The following ST7L variants were observed in gnomAD, a reference collection of about 807,000 sequenced individuals.
ST7L encodes suppression of tumorigenicity 7 like, also known as suppressor of tumorigenicity 7 protein-like.
In ST7L, 57 loss-of-function variants were observed where a neutral mutation model predicts 72.5. The observed-to-expected ratio is 0.79, with a 90% confidence interval of 0.64 to 0.98. The LOEUF is 0.98. Among genes scored for constraint, ST7L ranks in the 50% least tolerant of loss-of-function variants. The probability of loss-of-function intolerance (pLI) is 0.00; values close to 1 mark genes in which losing one functional copy is unlikely to be tolerated. For synonymous variants in ST7L, 221 were observed against 240.9 expected (o/e 0.92, Z 0.77); for missense variants, 576 against 672.2 (o/e 0.86, Z 1.58).
At position 112,556,162 on chromosome 1, in the gene ST7L, A is replaced by G. The variant is rs1659087556; in HGVS notation, c.1246-144T>C. On this transcript the variant is annotated intron_variant, in intron 11 of 14. Coordinates refer to ENST00000358039, the MANE Select transcript of ST7L (RefSeq NM_017744.5). ...TTAAAAAACTAACTGAAATGACATG[A>G]AGATACTGATAACATGTATAAAATG... The G allele has an allele frequency of 6.9e-6, 4 of 578,448 alleles. No homozygotes were observed. In the East Asian group the frequency reaches 1.3e-4, roughly 18 times the overall value. 35.8% of individuals were successfully genotyped at this position (578,448 alleles called of 1,614,324 possible). A position where few individuals can be genotyped will look rare whatever the true frequency, so the allele number is the denominator to read the frequency against.
Position 112,555,934 on chromosome 1 carries a change from A to C in ST7L, c.1330T>G (p.Phe444Val). ...GDSEAIAYAF[F>V]HLQHWKRIEG... The stretch of plus-strand genomic sequence containing the variant: ...ATTCGTTTCCAGTGCTGAAGATGAA[A>C]GAAAGCATAGGCAATTGCTTCACTA... Residue 444 changes from phenylalanine to valine, a missense_variant, in exon 12 of 15, where the codon TTT (phenylalanine) becomes GTT (valine). This residue lies in a region of ST7L where 511 missense variants were observed against 600.7 expected (regional missense o/e 0.85). Coordinates refer to ENST00000358039, the MANE Select transcript of ST7L (RefSeq NM_017744.5). The C allele has an allele frequency of 6.2e-7, 1 of 1,612,754 alleles. No individual in the cohort carries two copies. Among genetic ancestry groups the C allele is most frequent in the Non-Finnish European group, 8.5e-7 (1 of 1,179,190 alleles).
intron 3 of ST7L, among the ~76,000 whole-genome samples, chr1:112,606,625 A>T (rs1032480565): frequency 3.9e-5 from 6 of 152,204 alleles, no homozygotes; most frequent in Non-Finnish European, 7.3e-5. Context: ...ACTTCTTCGT[A>T]ACAAAATCTG....
chr1:112,610,686 A>G, intron 3 of ST7L, 155 bp downstream of exon 3: 1 of 904,644 alleles, frequency 1.1e-6, no homozygotes. Flanking sequence ...CACCTCCCAA[A>G]GACCCTACCT....
At chr1:112,595,107 T>A (rs1355121148) in intron 5 of ST7L, among the ~76,000 whole-genome samples, 1 of 152,042 alleles carries the variant, frequency 6.6e-6, no homozygotes, top group Non-Finnish European at 1.5e-5. Flanking sequence ...CGCTCACGCC[T>A]GTAATCCTAG....
intron 3 of ST7L, among the ~76,000 whole-genome samples, chr1:112,606,891 CTTGA>C (rs1422772508): frequency 6.6e-6 from 1 of 152,148 alleles, no homozygotes; most frequent in Admixed American, 6.6e-5. Flanking sequence ...CTCATTTAAC[CTTGA>C]TTATCTCCTA....
chr1:112,561,906 T>C (rs916137852), intron 11 of ST7L, among the ~76,000 whole-genome samples: 1 of 152,010 alleles, frequency 6.6e-6, no homozygotes, highest in Non-Finnish European at 1.5e-5. Flanking sequence ...TAAGCAAAAC[T>C]TGTAAAAACA....
intron 14 of ST7L, chr1:112,539,850 T>A (rs1655822570): frequency 1.0e-6 from 1 of 985,132 alleles, no homozygotes; most frequent in Non-Finnish European, 1.2e-6. Flanking sequence ...GGGATAAAAA[T>A]GTGGCTGTAA....
chr1:112,534,933 A>G (rs187217387), intron 14 of ST7L, among the ~76,000 whole-genome samples: 35 of 150,766 alleles, frequency 2.3e-4, no homozygotes, highest in African/African-American at 8.2e-4. Flanking sequence ...GGGAAAAAAG[A>G]TGATTAAACA....
chr1:112,597,340 C>T (rs1010969927), intron 5 of ST7L, among the ~76,000 whole-genome samples: 2 of 152,216 alleles, frequency 1.3e-5, no homozygotes, highest in Non-Finnish European at 2.9e-5. Flanking sequence ...CAGACCAGGG[C>T]ACAGTGGCTC....
chr1:112,618,082 G>C (rs1670214067), intron 1 of ST7L: 1 of 1,303,406 alleles, frequency 7.7e-7, no homozygotes, highest in Non-Finnish European at 1.0e-6. Flanking sequence ...CCACCATACT[G>C]AATCATGTAA....
chr1:112,589,767 A>G (rs1665411336), intron 6 of ST7L, among the ~76,000 whole-genome samples: 1 of 152,186 alleles, frequency 6.6e-6, no homozygotes, highest in Non-Finnish European at 1.5e-5. Context: ...ACATTCAGCC[A>G]AACAGTTTAC....
intron 2 of ST7L, 147 bp from the exon 3 acceptor site, chr1:112,611,150 T>G (rs1273718136): frequency 1.4e-6 from 1 of 716,026 alleles, no homozygotes; most frequent in Non-Finnish European, 2.2e-6. Context: ...AAACACAAGA[T>G]TCACCAATAA....
intron 6 of ST7L, among the ~76,000 whole-genome samples, chr1:112,589,597 C>T (rs534040495): frequency 6.6e-6 from 1 of 152,196 alleles, no homozygotes; most frequent in South Asian, 2.1e-4. Flanking sequence ...TCTATATTAT[C>T]TGTCATGTGT....
chr1:112,602,904 G>C (rs1157097478), intron 3 of ST7L, among the ~76,000 whole-genome samples: 1 of 151,692 alleles, frequency 6.6e-6, no homozygotes. Flanking sequence ...ATTTTTAGTA[G>C]AGACGGGGTT....
intron 14 of ST7L, among the ~76,000 whole-genome samples, chr1:112,535,099 G>A (rs772345981): frequency 3.9e-5 from 6 of 152,124 alleles, no homozygotes; most frequent in Admixed American, 6.6e-5. Context: ...TTGGCTGGGC[G>A]CAGTGGCTCA....
intron 3 of ST7L, among the ~76,000 whole-genome samples, chr1:112,609,114 C>G (rs554345567): frequency 1.6e-4 from 25 of 152,128 alleles, no homozygotes; most frequent in African/African-American, 6.0e-4. Context: ...ATCACTTGAG[C>G]CCAGGAGTTC....
At chr1:112,536,256 ATTAAT>A (rs1391816771) in intron 14 of ST7L, among the ~76,000 whole-genome samples, 6 of 152,210 alleles carry the variant, frequency 3.9e-5, no homozygotes, top group African/African-American at 1.4e-4. Context: ...TATTTTAATC[ATTAAT>A]TTAATTTCTG....
At chr1:112,619,407 GC>G (rs34583754), upstream of ST7L, 2,563 of 450,402 alleles carry the variant, frequency 5.7e-3, no homozygotes, top group South Asian at 0.012. Flanking sequence ...CTTTCACACC[GC>G]CCCCCCCCCG....
chr1:112,581,146 A>G (rs942452262), intron 9 of ST7L, among the ~76,000 whole-genome samples: 4 of 152,202 alleles, frequency 2.6e-5, no homozygotes, highest in Non-Finnish European at 5.9e-5. Flanking sequence ...TCATATTATC[A>G]TTGAACTTTG....
Sources: gnomAD v4.1 joint callset for allele counts (sites outside exome capture counted in the v4.1 genomes callset) on GRCh38, gnomAD v4.1.1 for gene constraint, gnomAD v4.1.1 regional missense constraint, MANE v1.5 for transcripts, NCBI Gene and HGNC (gene_info 2026-07-23, HGNC 2026-07-21) for gene names.